The following PDZD2 variants were observed in gnomAD, a reference collection of about 807,000 sequenced individuals.
PDZD2 encodes PDZ domain-containing protein 2.
PDZD2 carries 90 observed loss-of-function variants against 220.7 expected under a neutral mutation model. The ratio of observed to expected loss-of-function variants is 0.41; its 90% CI spans 0.34 to 0.49. PDZD2 has a LOEUF of 0.49. PDZD2 is among the 20% of genes least tolerant of loss of function. The pLI is 0.28. For synonymous variants in PDZD2, 1,375 were observed against 1,450.5 expected (o/e 0.95, Z 1.18); for missense variants, 3,174 against 3,608.5 (o/e 0.88, Z 3.08).
chr5:31,752,069 G>GTTTTTTTTTTT lies in PDZD2; in HGVS notation c.-360-46817_-360-46816insTTTTTTTTTTT, dbSNP rs1491302993. Among the ~76,000 whole-genome samples the GTTTTTTTTTTT allele has an allele frequency of 7.4e-4, 71 of 95,800 alleles. 10 individuals carry two copies. The highest frequency in any genetic ancestry group is 9.2e-4 in the African/African-American group (21 of 22,726). 62.8% of individuals were successfully genotyped at this position (95,800 alleles called of 152,430 possible). A position where few individuals can be genotyped will look rare whatever the true frequency, so the allele number is the denominator to read the frequency against. On this transcript the variant is annotated intron_variant, in intron 1 of 24. Transcript: ENST00000438447. The stretch of plus-strand genomic sequence containing the variant: ...TTGTTTGTTTGTTTTATTGTTTTGG[G>GTTTTTTTTTTT]TTTGTTTTTTTTTTTTTTTTTCTGA...
chr5:31,871,870 G>A (rs1738830690), intron 2 of PDZD2, among the ~76,000 whole-genome samples: 1 of 152,076 alleles, frequency 6.6e-6, no homozygotes, highest in Non-Finnish European at 1.5e-5. Context: ...CTGTCACCCA[G>A]GCTGGAGTGC....
chr5:31,829,214 A>G (rs929883356), intron 2 of PDZD2, among the ~76,000 whole-genome samples: 6 of 152,150 alleles, frequency 3.9e-5, no homozygotes, highest in Non-Finnish European at 8.8e-5. Flanking sequence ...TTACTCTTAT[A>G]GAGGTGTGGA....
At chr5:31,650,577 T>C (rs1745313282) in intron 1 of PDZD2, among the ~76,000 whole-genome samples, 1 of 152,212 alleles carries the variant, frequency 6.6e-6, no homozygotes, top group Non-Finnish European at 1.5e-5. Context: ...GGCCTGGGAC[T>C]TAATCTTGAG....
intron 1 of PDZD2, among the ~76,000 whole-genome samples, chr5:31,775,786 G>A (rs1369613819): frequency 6.6e-6 from 1 of 151,720 alleles, no homozygotes; most frequent in Non-Finnish European, 1.5e-5. Context: ...TGAGAGCCTA[G>A]TAGGTGGAAA....
intron 2 of PDZD2, among the ~76,000 whole-genome samples, chr5:31,805,385 T>TCCCACCTACCTATGTGAG (rs1198879466): frequency 4.6e-5 from 7 of 152,296 alleles, no homozygotes; most frequent in Non-Finnish European, 7.4e-5. Flanking sequence ...TGCTAAATTT[T>TCCCACCTACCTATGTGAG]CCCACCTACC....
chr5:32,066,908 G>A (rs1740262761), intron 14 of PDZD2, among the ~76,000 whole-genome samples: 1 of 152,232 alleles, frequency 6.6e-6, no homozygotes, highest in East Asian at 1.9e-4. Context: ...GTCTGTGATA[G>A]TGTTGGAGCT....
intron 1 of PDZD2, among the ~76,000 whole-genome samples, chr5:31,797,000 T>C (rs1238160700): frequency 6.6e-6 from 1 of 150,486 alleles, no homozygotes; most frequent in South Asian, 2.1e-4. Context: ...AGATCTCGGC[T>C]CACTGCAAGC....
chr5:31,898,335 G>A (rs549671771), intron 2 of PDZD2, among the ~76,000 whole-genome samples: 3 of 152,362 alleles, frequency 2.0e-5, no homozygotes, highest in African/African-American at 7.2e-5. Context: ...TTAGGAAGGA[G>A]CACTGGTAGA....
At chr5:31,808,165 T>C (rs1301679170) in intron 2 of PDZD2, among the ~76,000 whole-genome samples, 1 of 152,148 alleles carries the variant, frequency 6.6e-6, no homozygotes, top group African/African-American at 2.4e-5. Flanking sequence ...CCTGCCTACC[T>C]GAATATGCTC....
At position 32,074,493 on chromosome 5, in the gene PDZD2, G is replaced by C. The variant is rs775402010; in HGVS notation, c.3387G>C (p.Lys1129Asn). The C allele has an allele frequency of 1.2e-6, 2 of 1,614,130 alleles. No individual in the cohort carries two copies. The highest frequency in any genetic ancestry group is 2.2e-5 in the South Asian group (2 of 91,082). The change falls in exon 18 of 25, where the codon AAG becomes AAC. Residue 1129 changes from lysine to asparagine, a missense_variant. Transcript: ENST00000438447. ...TGGCCAGGGTAAGCCCCCACTGCAA[G>C]AGATCCGAGGCTGAGGCCAAGCCCA... ...RPVARVSPHC[K>N]RSEAEAKPSG...
chr5:32,078,638 TAAAAAAAAA>T (rs66500422), intron 19 of PDZD2, among the ~76,000 whole-genome samples: 2 of 104,924 alleles, frequency 1.9e-5, no homozygotes, highest in South Asian at 6.9e-4. Context: ...TCTCAAAAAT[TAAAAAAAAA>T]AAAAAAAAAA....
At chr5:31,790,499 T>G (rs1409132359) in intron 1 of PDZD2, among the ~76,000 whole-genome samples, 1 of 152,128 alleles carries the variant, frequency 6.6e-6, no homozygotes, top group Non-Finnish European at 1.5e-5. Context: ...AAGCCTTACT[T>G]GTTGGTGTCA....
chr5:31,745,608 C>T (rs1283271582), intron 1 of PDZD2, among the ~76,000 whole-genome samples: 3 of 152,106 alleles, frequency 2.0e-5, no homozygotes, highest in Non-Finnish European at 4.4e-5. Flanking sequence ...TCATTAGAGT[C>T]GTCCATTTTT....
chr5:31,818,796 C>T lies in PDZD2; in HGVS notation c.476+19072C>T, dbSNP rs1327100988. Among the ~76,000 whole-genome samples, 3 of 152,192 alleles carry T rather than the reference C, an allele frequency of 2.0e-5. 1 individual carries two copies. Among genetic ancestry groups the T allele is most frequent in the Admixed American group, 2.0e-4 (3 of 15,266 alleles). ...AAGAAAAGAACAACTTGTGATTCGC[C>T]TACACTAATTCTCCATTAATTTAAT... On this transcript the variant is annotated intron_variant, in intron 2 of 24. Coordinates refer to ENST00000438447, the MANE Select transcript of PDZD2 (RefSeq NM_178140.4).
At chr5:31,679,983 A>G (rs1188207662) in intron 1 of PDZD2, among the ~76,000 whole-genome samples, 1 of 152,240 alleles carries the variant, frequency 6.6e-6, no homozygotes, top group Non-Finnish European at 1.5e-5. Context: ...CGAACACCAC[A>G]GTCCTCAAAA....
At chr5:32,033,217 T>C (rs1423302927) in intron 6 of PDZD2, among the ~76,000 whole-genome samples, 4 of 152,206 alleles carry the variant, frequency 2.6e-5, no homozygotes, top group Non-Finnish European at 4.4e-5. Flanking sequence ...CCAGAACAGT[T>C]TGCTCTGTGC....
intron 2 of PDZD2, among the ~76,000 whole-genome samples, chr5:31,931,862 G>A (rs1175580536): frequency 6.6e-6 from 1 of 152,172 alleles, no homozygotes; most frequent in Admixed American, 6.5e-5. Flanking sequence ...GTGAACTCCA[G>A]GAGGGCTGGA....
In PDZD2 at chr5:32,083,671, T is replaced by A. The variant is rs1742184012; in HGVS notation, c.3683-3460T>A. ...TGTTTAGGTTTATTCAGTGAGCGAA[T>A]ATGAAATTTGTTTATTTTTGAGACG... is the stretch of plus-strand genomic sequence containing the variant. On this transcript the variant is annotated intron_variant, in intron 19 of 24. Transcript: ENST00000438447. The surrounding 1 kb of genome is among the most constrained non-coding windows in gnomAD (Gnocchi z 4.1). 6.6e-6 allele frequency: 1 copy of A among 152,178 alleles called. No homozygotes were observed. Among genetic ancestry groups the A allele is most frequent in the Admixed American group, 6.5e-5 (1 of 15,282 alleles). The allele number at this position is 152,178 out of a possible 1,614,324, so 9.4% of individuals were successfully genotyped here. A position where few individuals can be genotyped will look rare whatever the true frequency, so the allele number is the denominator to read the frequency against.
intron 1 of PDZD2, among the ~76,000 whole-genome samples, chr5:31,785,321 G>C (rs1753314837): frequency 6.6e-6 from 1 of 150,974 alleles, no homozygotes; most frequent in South Asian, 2.1e-4. Flanking sequence ...GTCACCTTGT[G>C]GCACCTCCCT....
Sources: allele counts gnomAD v4.1 joint callset (sites outside exome capture counted in the v4.1 genomes callset), GRCh38; gene constraint gnomAD v4.1.1; non-coding constraint Gnocchi (gnomAD v3.1); transcripts MANE v1.5; gene names NCBI Gene and HGNC (gene_info 2026-07-23, HGNC 2026-07-21).